The following CLUAP1 variants were observed in gnomAD, a reference collection of about 807,000 sequenced individuals.
CLUAP1 encodes intraflagellar transport 38.
A neutral mutation model predicts 55.0 loss-of-function variants in CLUAP1; 50 were observed. The observed-to-expected ratio is 0.91, with a 90% CI of 0.72 to 1.15. The LOEUF (loss-of-function observed/expected upper bound fraction) is 1.15, where lower values mean the gene tolerates loss of function less well. Ranked by LOEUF, CLUAP1 falls within the 50% of genes most tolerant of loss-of-function variation. The probability of loss-of-function intolerance (pLI) is 0.00; values close to 1 mark genes in which losing one functional copy is unlikely to be tolerated. For missense variants in CLUAP1, 530 were observed against 507.6 expected (o/e 1.04, Z -0.42); for synonymous variants, 195 against 175.4 (o/e 1.11, Z -0.88).
At chr16:3,515,662 C>G in intron 6 of CLUAP1, 71 bp downstream of exon 6, 2 of 1,022,430 alleles carry the variant, frequency 2.0e-6, no homozygotes, top group Admixed American at 2.6e-5. Flanking sequence ...CTTGCCCATA[C>G]AAGACAGAAC....
Position 3,504,741 on chromosome 16 carries a change from C to G in CLUAP1, c.44C>G (p.Ala15Gly). 1 of 1,608,492 alleles carries G rather than the reference C, an allele frequency of 6.2e-7. No individual in the cohort carries two copies. Among genetic ancestry groups the G allele is most frequent in the South Asian group, 1.1e-5 (1 of 90,982 alleles). ...ACAGATTTCACAGAGATGATGAGAG[C>G]CCTGGGATACCCTCGACATATTTCT... The part of the protein sequence containing the change: ...DLRNFTEMMR[A>G]LGYPRHISME... The change falls in exon 2 of 12, where the codon GCC becomes GGC. Residue 15 changes from alanine to glycine, a missense_variant. Ala to Gly is a moderately conservative substitution (Grantham distance 60). Transcript: ENST00000576634.
In CLUAP1 at chr16:3,509,454, A is replaced by G. The variant is rs1033476527; in HGVS notation, c.399+986A>G. On this transcript the variant is annotated intron_variant, in intron 4 of 11. Coordinates refer to ENST00000576634, the MANE Select transcript of CLUAP1 (RefSeq NM_015041.3). ...GGGTTGCTCTGGCTGCTGAGCCGCC[A>G]TCAGACCGAAGCAGGCGGCAGGGCT... Among the ~76,000 whole-genome samples, 15 of 152,302 alleles carry G rather than the reference A, an allele frequency of 9.8e-5. 1 individual carries two copies. The highest frequency in any genetic ancestry group is 2.6e-4 in the Admixed American group (4 of 15,302).
At chr16:3,529,623 ATATTATATAT>A (rs1567439781) in intron 9 of CLUAP1, among the ~76,000 whole-genome samples, 310 of 20,710 alleles carry the variant, frequency 0.015, 8 homozygotes, top group East Asian at 0.027. Flanking sequence ...ATAATATTAT[ATATTATATAT>A]TATTATATAT....
chr16:3,533,295 G>T, intron 11 of CLUAP1: 1 of 696,882 alleles, frequency 1.4e-6, no homozygotes, highest in Non-Finnish European at 2.4e-6. Flanking sequence ...GGTGACAGCG[G>T]GATCACTGAA....
At chr16:3,526,877 A>T (rs963022760) in intron 9 of CLUAP1, among the ~76,000 whole-genome samples, 1 of 152,110 alleles carries the variant, frequency 6.6e-6, no homozygotes, top group Non-Finnish European at 1.5e-5. Flanking sequence ...ATGGCCCTAG[A>T]TGTGTGTAGG....
chr16:3,523,293 G>T lies in CLUAP1; in HGVS notation c.849G>T (p.Arg283Ser), dbSNP rs769791977. 3 of 1,611,464 alleles carry T rather than the reference G, an allele frequency of 1.9e-6. No homozygotes were observed. The highest frequency in any genetic ancestry group is 1.7e-5 in the Admixed American group (1 of 59,474). Residue 283 changes from arginine (R) to serine (S), a missense_variant, in exon 8 of 12, where the codon AGG becomes AGT. Physicochemically the swap from Arg to Ser is moderately radical, Grantham distance 110. Coordinates refer to ENST00000576634, the MANE Select transcript of CLUAP1 (RefSeq NM_015041.3). ...ACCATCATAGGATGGAGCAAGAAAG[G>T]TTTGAGGTGAGCTGAGCCTGTCCTC... ...LEDHHRMEQE[R>S]FEEAKNTLCL... is the part of the protein sequence containing the mutation.
chr16:3,511,908 C>G (rs770952073), intron 4 of CLUAP1, among the ~76,000 whole-genome samples: 1 of 151,142 alleles, frequency 6.6e-6, no homozygotes, highest in South Asian at 2.1e-4. Context: ...TGTGGCTGGC[C>G]GGGCACGGTG....
chr16:3,517,306 A>G (rs920799029), intron 6 of CLUAP1, among the ~76,000 whole-genome samples: 27 of 151,644 alleles, frequency 1.8e-4, no homozygotes, highest in African/African-American at 6.5e-4. Flanking sequence ...TATTTTATTT[A>G]TTTATTTGTT....
rs1298639582 is a variant in CLUAP1 at position 3,537,352 on chromosome 16, TTTC to T, written c.*1090_*1092del. 3.9e-5 allele frequency: 6 copies of T among 152,314 alleles called. No individual in the cohort carries two copies. Among genetic ancestry groups the T allele is most frequent in the South Asian group, 4.1e-4 (2 of 4,830 alleles). 9.4% of individuals were successfully genotyped at this position (152,314 alleles called of 1,614,324 possible). On this transcript the variant is annotated 3_prime_UTR_variant, in exon 12 of 12. Transcript: ENST00000576634. ...AGAAGTGGAGTTGGTTTTTTTCTTT[TTTC>T]TTCTTCTTTTTTTTTAATATGAAAA...
chr16:3,500,928 T>A, upstream of CLUAP1: 1 of 910,246 alleles, frequency 1.1e-6, no homozygotes, highest in South Asian at 1.5e-5. Context: ...TGCCGCCGCG[T>A]CTTCGCTTCG....
intron 5 of CLUAP1, 50 bp downstream of exon 5, chr16:3,512,528 T>C: frequency 7.1e-7 from 1 of 1,405,036 alleles, no homozygotes; most frequent in South Asian, 1.2e-5. Flanking sequence ...CTTCAAGGTT[T>C]TCTTTTTCAA....
upstream of CLUAP1, among the ~76,000 whole-genome samples, chr16:3,498,328 C>T (rs1250385522): frequency 6.6e-6 from 1 of 152,026 alleles, no homozygotes; most frequent in Non-Finnish European, 1.5e-5. Flanking sequence ...AAATGCTAAT[C>T]TCTTCTGGAA....
At chr16:3,516,430 C>T (rs1012995220) in intron 6 of CLUAP1, among the ~76,000 whole-genome samples, 21 of 152,050 alleles carry the variant, frequency 1.4e-4, no homozygotes, top group African/African-American at 4.6e-4. Context: ...AGCCTCACAG[C>T]GGGAGAAGGG....
At chr16:3,499,629 T>C (rs1309024154), upstream of CLUAP1, among the ~76,000 whole-genome samples, 1 of 152,264 alleles carries the variant, frequency 6.6e-6, no homozygotes, top group Admixed American at 6.5e-5. Flanking sequence ...AATTAGACTG[T>C]TTCTCATTAT....
At chr16:3,529,910 A>AATT (rs2038080604) in intron 9 of CLUAP1, among the ~76,000 whole-genome samples, 1 of 115,848 alleles carries the variant, frequency 8.6e-6, no homozygotes, top group Admixed American at 1.3e-4. Context: ...TATGTTATAT[A>AATT]GTTATATATT....
chr16:3,530,962 T>C (rs893980340), intron 10 of CLUAP1, among the ~76,000 whole-genome samples: 1 of 152,186 alleles, frequency 6.6e-6, no homozygotes, highest in African/African-American at 2.4e-5. Context: ...CTCAGTGCAG[T>C]GATATACTTA....
At chr16:3,499,330 A>C (rs926132518), upstream of CLUAP1, among the ~76,000 whole-genome samples, 87 of 152,358 alleles carry the variant, frequency 5.7e-4, 1 homozygote, top group Non-Finnish European at 8.4e-4. Context: ...GGGCAACAAG[A>C]GCAAGAGTCC....
chr16:3,525,853 C>T (rs750318935), intron 8 of CLUAP1, among the ~76,000 whole-genome samples: 7 of 152,166 alleles, frequency 4.6e-5, no homozygotes, highest in Non-Finnish European at 7.3e-5. Context: ...AGGTGTGAGC[C>T]ACCACGCCCA....
At chr16:3,508,000 A>G (rs1259734195) in intron 3 of CLUAP1, among the ~76,000 whole-genome samples, 3 of 152,050 alleles carry the variant, frequency 2.0e-5, no homozygotes, top group Non-Finnish European at 4.4e-5. Flanking sequence ...TGTACATCTC[A>G]TTTTGTTTGT....
Sources: allele counts gnomAD v4.1 joint callset (sites outside exome capture counted in the v4.1 genomes callset), GRCh38; gene constraint gnomAD v4.1.1; transcripts MANE v1.5; gene names NCBI Gene and HGNC (gene_info 2026-07-23, HGNC 2026-07-21).